CPS1: variants seen among roughly 807,000 people sequenced by gnomAD.
CPS1 encodes the protein carbamoyl-phosphate synthase 1.
Under a neutral mutation model 174.6 loss-of-function variants are expected in CPS1, and 109 were observed. The ratio of observed to expected loss-of-function variants is 0.62; its 90% CI spans 0.53 to 0.73. The LOEUF (loss-of-function observed/expected upper bound fraction) is 0.73, where lower values mean the gene tolerates loss of function less well. Among genes scored for constraint, CPS1 ranks in the 30% least tolerant of loss-of-function variants. CPS1 has a pLI of 0.00. For synonymous variants in CPS1, 637 were observed against 632.0 expected (o/e 1.01, Z -0.12); for missense variants, 1,689 against 1,821.9 (o/e 0.93, Z 1.33).
chr2:210,588,073 G>A lies in CPS1; in HGVS notation c.637G>A (p.Gly213Ser), dbSNP rs138392504. 1,602 of 1,612,740 alleles carry A rather than the reference G, an allele frequency of 9.9e-4. 1 individual carries two copies. The highest frequency in any genetic ancestry group is 1.1e-3 in the Non-Finnish European group (1,271 of 1,179,192). Reference protein sequence around the residue: ...EVSTKDVKVYGKGNPTKVVAV... With the variant: ...EVSTKDVKVYSKGNPTKVVAV... Reference sequence around the variant, plus strand: ...AAAATGGCAGGATGTCAAAGTGTACGGCAAAGGAAACCCCACAAAAGTGGT... The same window carrying A: ...AAAATGGCAGGATGTCAAAGTGTACAGCAAAGGAAACCCCACAAAAGTGGT... Residue 213 changes from glycine to serine, a missense_variant, in exon 7 of 38, where the codon GGC (glycine) becomes AGC (serine). Physicochemically the swap from Gly to Ser is moderately conservative, Grantham distance 56. Coordinates refer to ENST00000233072, the MANE Select transcript of CPS1 (RefSeq NM_001875.5).
intron 9 of CPS1, 138 bp downstream of exon 9, chr2:210,591,044 A>G (rs1474146155): frequency 4.6e-6 from 1 of 216,300 alleles, no homozygotes; most frequent in Non-Finnish European, 8.5e-6. Context: ...TATAATAAAA[A>G]TAAATAAATA....
intron 21 of CPS1, among the ~76,000 whole-genome samples, chr2:210,623,358 T>A (rs1275600653): frequency 6.6e-6 from 1 of 152,128 alleles, no homozygotes; most frequent in Non-Finnish European, 1.5e-5. Context: ...TGACATAAAC[T>A]TTACTATGGA....
In CPS1 at chr2:210,497,359, G is replaced by A. The variant is rs186191892; in HGVS notation, c.3+19593G>A. 2.2e-3 allele frequency among the ~76,000 whole-genome samples: 338 copies of A among 151,964 alleles called. 1 individual carries two copies. Among genetic ancestry groups the A allele is most frequent in the African/African-American group, 6.9e-3 (287 of 41,450 alleles). On this transcript the variant is annotated intron_variant, in intron 1 of 38. Coordinates refer to the CPS1 transcript ENST00000430249. ...AAAATATTCATATCCTATTTACCTCGGGAGGTTTATACTTTATTTTTATTT... is the reference window on the plus strand; with the variant it reads ...AAAATATTCATATCCTATTTACCTCAGGAGGTTTATACTTTATTTTTATTT...
Position 210,639,176 on chromosome 2 carries a change from A to G in CPS1, c.2856A>G (p.Pro952=), listed in dbSNP as rs202198037. 1.2e-6 allele frequency: 2 copies of G among 1,613,320 alleles called. No individual in the cohort carries two copies. Among genetic ancestry groups the G allele is most frequent in the Non-Finnish European group, 1.7e-6 (2 of 1,179,322 alleles). Residue 952 remains proline (P), a synonymous_variant, in exon 23 of 38, where the codon CCA becomes CCG. Coordinates refer to ENST00000233072, the MANE Select transcript of CPS1 (RefSeq NM_001875.5). Reference sequence around the variant, plus strand: ...TTGATACACTGGCTGCAGAATACCCATCAGTAACAAACTATCTCTATGTTA... The same window carrying G: ...TTGATACACTGGCTGCAGAATACCCGTCAGTAACAAACTATCTCTATGTTA... ...KQIDTLAAEY[P]SVTNYLYVTY...
chr2:210,597,060 G>GT (rs1698508886), intron 13 of CPS1, among the ~76,000 whole-genome samples: 1 of 151,842 alleles, frequency 6.6e-6, no homozygotes, highest in Non-Finnish European at 1.5e-5. Flanking sequence ...ATCTTTTCCT[G>GT]TATAATTTGA....
At chr2:210,612,343 A>G in intron 20 of CPS1, 50 bp downstream of exon 20, 1 of 1,586,044 alleles carries the variant, frequency 6.3e-7, no homozygotes, top group Non-Finnish European at 8.7e-7. Flanking sequence ...TCCAGAATGT[A>G]GTCAGTCTGG....
intron 1 of CPS1, among the ~76,000 whole-genome samples, chr2:210,487,921 T>C (rs1318574407): frequency 2.0e-5 from 3 of 152,174 alleles, no homozygotes; most frequent in Non-Finnish European, 4.4e-5. Context: ...ATTTTGAGAA[T>C]GGAATTAGGC....
chr2:210,509,152 T>C (rs1695378341), intron 1 of CPS1, among the ~76,000 whole-genome samples: 1 of 152,178 alleles, frequency 6.6e-6, no homozygotes, highest in African/African-American at 2.4e-5. Context: ...GCAAACCGAA[T>C]CCAGCAGCAC....
chr2:210,509,347 C>T (rs1362937783), intron 1 of CPS1, among the ~76,000 whole-genome samples: 1 of 152,142 alleles, frequency 6.6e-6, no homozygotes, highest in African/African-American at 2.4e-5. Context: ...ATGCTAAAAA[C>T]TCTCAATAAA....
intron 1 of CPS1, among the ~76,000 whole-genome samples, chr2:210,526,287 T>C (rs1695970733): frequency 4.6e-5 from 7 of 151,542 alleles, no homozygotes; most frequent in Admixed American, 2.6e-4. Flanking sequence ...ATGTAGATGA[T>C]GGGTTGATGG....
intron 15 of CPS1, 83 bp downstream of exon 15, chr2:210,600,795 TA>T: frequency 2.8e-6 from 4 of 1,417,570 alleles, no homozygotes; most frequent in Non-Finnish European, 4.0e-6. Flanking sequence ...CTAATAATAA[TA>T]GTTAAGATTA....
At chr2:210,675,390 T>C (rs1701491764) in intron 35 of CPS1, among the ~76,000 whole-genome samples, 1 of 152,140 alleles carries the variant, frequency 6.6e-6, no homozygotes, top group Admixed American at 6.5e-5. Flanking sequence ...GCCATGGGGA[T>C]TTTTTGACCT....
At chr2:210,592,093 TATGTA>T in intron 10 of CPS1, 124 bp downstream of exon 10, 1 of 1,093,408 alleles carries the variant, frequency 9.1e-7, no homozygotes, top group Admixed American at 2.2e-5. Context: ...ATGCATATCA[TATGTA>T]ATGATCAAAT....
intron 19 of CPS1, among the ~76,000 whole-genome samples, chr2:210,611,824 T>C (rs1699131141): frequency 6.6e-6 from 1 of 151,860 alleles, no homozygotes; most frequent in Admixed American, 6.6e-5. Context: ...CTTATTTTAA[T>C]ACTATGGTCC....
In CPS1 at chr2:210,643,787, G is replaced by A. The variant is rs375700960; in HGVS notation, c.3141+1122G>A. Reference sequence around the variant, plus strand: ...ATTGATCCATTAAATAGAATATATAGCATTTTTTAGACCTCTCTCTGACAT... The same window carrying A: ...ATTGATCCATTAAATAGAATATATAACATTTTTTAGACCTCTCTCTGACAT... On this transcript the variant is annotated intron_variant, in intron 25 of 37. Transcript: ENST00000233072. Among the ~76,000 whole-genome samples the A allele has an allele frequency of 5.9e-5, 9 of 152,086 alleles. No homozygotes were observed. In the East Asian group the frequency reaches 1.5e-3, roughly 26 times the overall value.
chr2:210,658,617 A>T lies in CPS1; in HGVS notation c.3685A>T (p.Lys1229Ter). 1 of 1,614,042 alleles carries T rather than the reference A, an allele frequency of 6.2e-7. No homozygotes were observed. Among genetic ancestry groups the T allele is most frequent in the Non-Finnish European group, 8.5e-7 (1 of 1,179,876 alleles). Reference sequence around the variant, plus strand: ...AATTCAGGTGAAGGATGCTACCCGGAAGATTGCAAAGGCTTTTGCCATCTC... The same window carrying T: ...AATTCAGGTGAAGGATGCTACCCGGTAGATTGCAAAGGCTTTTGCCATCTC... ...AIEKVKDATR[K>*]IAKAFAISGP... The change falls in exon 31 of 38, where the codon AAG (lysine) becomes TAG (stop). Residue 1229 changes from lysine to a stop codon, truncating the protein, a stop_gained. Coordinates refer to ENST00000233072, the MANE Select transcript of CPS1 (RefSeq NM_001875.5). LOFTEE classifies it high-confidence loss of function.
intron 1 of CPS1, among the ~76,000 whole-genome samples, chr2:210,506,819 T>C (rs1695301130): frequency 6.6e-6 from 1 of 151,866 alleles, no homozygotes; most frequent in African/African-American, 2.4e-5. Context: ...AGAAGAGAAG[T>C]TTAGAGAAAA....
At chr2:210,634,664 A>G (rs184563168) in intron 21 of CPS1, among the ~76,000 whole-genome samples, 5 of 152,302 alleles carry the variant, frequency 3.3e-5, no homozygotes, top group Non-Finnish European at 7.3e-5. Context: ...TGATGTAGAC[A>G]TATCATTGGC....
At chr2:210,564,137 G>A (rs575218015) in intron 1 of CPS1, among the ~76,000 whole-genome samples, 5 of 152,210 alleles carry the variant, frequency 3.3e-5, no homozygotes, top group African/African-American at 1.2e-4. Flanking sequence ...AAATTTCAGA[G>A]CTTGCAGTAT....
Sources: gnomAD v4.1 joint callset for allele counts (sites outside exome capture counted in the v4.1 genomes callset) on GRCh38, gnomAD v4.1.1 for gene constraint, MANE v1.5 for transcripts, NCBI Gene and HGNC (gene_info 2026-07-23, HGNC 2026-07-21) for gene names.